The following UNC13C variants were observed in gnomAD, a reference collection of about 807,000 sequenced individuals.
The protein encoded by UNC13C is unc-13 homolog C.
A neutral mutation model predicts 245.4 loss-of-function variants in UNC13C; 174 were observed. The observed-to-expected ratio is 0.71, with a 90% CI of 0.63 to 0.80. The LOEUF is 0.80. Among genes scored for constraint, UNC13C ranks in the 30% least tolerant of loss-of-function variants. The pLI, the probability that UNC13C is intolerant of heterozygous loss-of-function variation, is 0.00. For synonymous variants in UNC13C, 992 were observed against 895.1 expected, an observed-to-expected ratio of 1.11 and a Z score of -1.93; for missense variants, 2,829 against 2,602.9, an observed-to-expected ratio of 1.09 and a Z score of -1.89.
intron 4 of UNC13C, among the ~76,000 whole-genome samples, chr15:54,152,077 C>T (rs1439261096): frequency 1.3e-5 from 2 of 152,158 alleles, no homozygotes; most frequent in South Asian, 2.1e-4. Flanking sequence ...CATCACACAC[C>T]CAACTCCCAA....
At position 54,551,322 on chromosome 15, in the gene UNC13C, C is replaced by G. The variant is rs140569394; in HGVS notation, c.5877+1631C>G. Among the ~76,000 whole-genome samples, 981 of 152,142 alleles carry G rather than the reference C, an allele frequency of 6.4e-3. 17 individuals carry two copies. Among genetic ancestry groups the G allele is most frequent in the Admixed American group, 0.033 (496 of 15,242 alleles). On this transcript the variant is annotated intron_variant, in intron 28 of 32. Coordinates refer to ENST00000260323, the MANE Select transcript of UNC13C (RefSeq NM_001080534.3). Reference sequence around the variant, plus strand: ...CCCATCTCAGTGCAAGGAATCACAGCAAAGTCTCCTGGAATATCAGTAGCT... The same window carrying G: ...CCCATCTCAGTGCAAGGAATCACAGGAAAGTCTCCTGGAATATCAGTAGCT...
the UNC13C span, among the ~76,000 whole-genome samples, chr15:53,918,944 A>T: frequency 6.6e-6 from 1 of 152,240 alleles, no homozygotes; most frequent in Non-Finnish European, 1.5e-5. Flanking sequence ...GCTCTGCAGC[A>T]GGCAGAAGTG....
intron 20 of UNC13C, among the ~76,000 whole-genome samples, chr15:54,495,497 T>C (rs1182438368): frequency 1.3e-5 from 2 of 151,976 alleles, no homozygotes; most frequent in African/African-American, 4.8e-5. Context: ...ATAGATGGGA[T>C]AGCATTTGAT....
At chr15:54,318,071 T>G (rs2038055743) in intron 13 of UNC13C, among the ~76,000 whole-genome samples, 1 of 151,988 alleles carries the variant, frequency 6.6e-6, no homozygotes, top group African/African-American at 2.4e-5. Flanking sequence ...ATTTCCTTCT[T>G]TTTATGACTG....
chr15:54,235,704 T>A (rs897006472), intron 5 of UNC13C, among the ~76,000 whole-genome samples: 2 of 152,004 alleles, frequency 1.3e-5, no homozygotes, highest in South Asian at 2.1e-4. Flanking sequence ...TACAAAAAAT[T>A]AACTGGAGTG....
chr15:54,455,171 C>CTCTCTCTCTCTCTCTA (rs1567288724), intron 19 of UNC13C, among the ~76,000 whole-genome samples: 9 of 25,554 alleles, frequency 3.5e-4, no homozygotes, highest in Admixed American at 1.2e-3. Flanking sequence ...ATTCCTCTCT[C>CTCTCTCTCTCTCTCTA]TCTCTCTCTC....
intron 28 of UNC13C, 49 bp downstream of exon 28, chr15:54,549,740 T>TC: frequency 2.4e-6 from 3 of 1,254,938 alleles, no homozygotes; most frequent in Non-Finnish European, 3.4e-6. Context: ...GTGAGTTAAC[T>TC]ACAGTTCTGC....
intron 19 of UNC13C, among the ~76,000 whole-genome samples, chr15:54,433,808 AT>A (rs1555463756): frequency 6.6e-6 from 1 of 152,118 alleles, no homozygotes; most frequent in Non-Finnish European, 1.5e-5. Flanking sequence ...CTGCTTGCAG[AT>A]GACATGATTG....
At position 54,627,284 on chromosome 15, in the gene UNC13C, G is replaced by GGGAAATCAGTGTTCCATGAA; in HGVS notation, c.*173_*192dup. 3.2e-6 allele frequency: 2 copies of GGGAAATCAGTGTTCCATGAA among 625,154 alleles called. No individual in the cohort carries two copies. The highest frequency in any genetic ancestry group is 5.9e-5 in the East Asian group (2 of 34,142). 38.7% of individuals were successfully genotyped at this position (625,154 alleles called of 1,614,324 possible). ...AACTTTTATACCAATTCTGGTCTTT[G>GGGAAATCAGTGTTCCATGAA]GGAAATCAGTGTTCCATGAAGTGCC... On this transcript the variant is annotated 3_prime_UTR_variant, in exon 33 of 33. Transcript: ENST00000260323.
chr15:54,399,624 C>T (rs1334469766), intron 18 of UNC13C, among the ~76,000 whole-genome samples: 1 of 151,778 alleles, frequency 6.6e-6, no homozygotes, highest in Non-Finnish European at 1.5e-5. Context: ...GTGTAGATAG[C>T]AGAAAGTATC....
chr15:54,482,636 T>A (rs555248851), intron 19 of UNC13C, among the ~76,000 whole-genome samples: 3 of 152,132 alleles, frequency 2.0e-5, no homozygotes. Flanking sequence ...CTCTCCCAGA[T>A]GCTGTATTCC....
the UNC13C span, among the ~76,000 whole-genome samples, chr15:53,873,744 T>TCTTTTTCTAGCAG: frequency 0.025 from 3,731 of 150,828 alleles, 32 homozygotes; most frequent in Middle Eastern, 0.031. Context: ...GACACACAAC[T>TCTTTTTCTAGCAG]ATGTTGCCCA....
intron 19 of UNC13C, among the ~76,000 whole-genome samples, chr15:54,436,012 T>A (rs559775789): frequency 6.6e-6 from 1 of 151,948 alleles, no homozygotes; most frequent in East Asian, 1.9e-4. Flanking sequence ...ATTAAAGAAA[T>A]GCAAATAAAA....
the UNC13C span, among the ~76,000 whole-genome samples, chr15:53,841,962 A>G: frequency 6.6e-6 from 1 of 152,200 alleles, no homozygotes; most frequent in African/African-American, 2.4e-5. Flanking sequence ...ACTTTGGGGA[A>G]GATCTTTATA....
At chr15:54,180,236 T>C (rs2033753114) in intron 4 of UNC13C, among the ~76,000 whole-genome samples, 1 of 152,054 alleles carries the variant, frequency 6.6e-6, no homozygotes, top group Non-Finnish European at 1.5e-5. Flanking sequence ...GTTCCCATTT[T>C]TAAGTGATTA....
the UNC13C span, among the ~76,000 whole-genome samples, chr15:53,848,740 A>G: frequency 6.6e-6 from 1 of 152,122 alleles, no homozygotes. Flanking sequence ...CTCAAAATGT[A>G]ATTTTGGTTT....
chr15:54,042,540 A>G (rs1896849519), intron 2 of UNC13C, among the ~76,000 whole-genome samples: 1 of 152,328 alleles, frequency 6.6e-6, no homozygotes, highest in African/African-American at 2.4e-5. Context: ...TTTGTCATTC[A>G]TTAACTTAGT....
intron 2 of UNC13C, among the ~76,000 whole-genome samples, chr15:54,080,453 GT>G (rs556430608): frequency 1.3e-5 from 2 of 151,314 alleles, no homozygotes; most frequent in African/African-American, 2.4e-5. Context: ...CTGATCTTGG[GT>G]TTTTTTTAGT....
intron 2 of UNC13C, among the ~76,000 whole-genome samples, chr15:54,036,787 A>G (rs1461440855): frequency 6.6e-6 from 1 of 152,220 alleles, no homozygotes; most frequent in Non-Finnish European, 1.5e-5. Context: ...GCAAAATTTG[A>G]GGTGTTCAAA....
Sources: allele counts gnomAD v4.1 joint callset (sites outside exome capture counted in the v4.1 genomes callset), GRCh38; gene constraint gnomAD v4.1.1; transcripts MANE v1.5; gene names NCBI Gene and HGNC (gene_info 2026-07-23, HGNC 2026-07-21).